ULK4: variants seen among roughly 807,000 people sequenced by gnomAD.
The protein encoded by ULK4 is unc-51 like kinase 4.
ULK4 carries 133 observed loss-of-function variants against 160.6 expected under a neutral mutation model. The observed-to-expected ratio is 0.83, with a 90% CI of 0.72 to 0.96. The LOEUF is 0.96. Ranked by LOEUF, ULK4 falls within the 40% of genes least tolerant of loss-of-function variation. ULK4 has a pLI of 0.00. For synonymous variants in ULK4, 534 were observed against 539.8 expected (o/e 0.99, Z 0.15); for missense variants, 1,580 against 1,499.5 (o/e 1.05, Z -0.89).
chr3:41,535,705 A>G (rs935852997), intron 32 of ULK4, among the ~76,000 whole-genome samples: 7 of 152,226 alleles, frequency 4.6e-5, no homozygotes, highest in African/African-American at 1.7e-4. Context: ...GCAAACGCAC[A>G]TAACATCTTT....
At chr3:41,711,940 A>G (rs2037110050) in intron 25 of ULK4, among the ~76,000 whole-genome samples, 1 of 152,218 alleles carries the variant, frequency 6.6e-6, no homozygotes, top group Admixed American at 6.5e-5. Context: ...GGAGCTGAGT[A>G]AGACAACAGG....
chr3:41,931,571 T>G (rs1237515802), intron 5 of ULK4, among the ~76,000 whole-genome samples: 1 of 151,538 alleles, frequency 6.6e-6, no homozygotes, highest in East Asian at 1.9e-4. Flanking sequence ...ACCATTCCCT[T>G]CCTATGTGCT....
intron 18 of ULK4, among the ~76,000 whole-genome samples, chr3:41,830,936 A>G (rs2125646551): frequency 6.6e-6 from 1 of 152,272 alleles, no homozygotes; most frequent in South Asian, 2.1e-4. Context: ...CTATCCCCAA[A>G]GAACTGCGAG....
At chr3:41,489,073 T>C (rs1355661002) in intron 32 of ULK4, among the ~76,000 whole-genome samples, 1 of 152,098 alleles carries the variant, frequency 6.6e-6, no homozygotes, top group African/African-American at 2.4e-5. Context: ...TCCACTTTCA[T>C]GTAAGTTTCC....
intron 35 of ULK4, among the ~76,000 whole-genome samples, chr3:41,363,629 G>A (rs1389162425): frequency 2.0e-5 from 3 of 152,142 alleles, no homozygotes; most frequent in East Asian, 1.9e-4. Context: ...AAACAGAAAT[G>A]GGCCTTTACT....
chr3:41,637,304 T>C (rs2033998460), intron 30 of ULK4, among the ~76,000 whole-genome samples: 2 of 152,218 alleles, frequency 1.3e-5, no homozygotes, highest in African/African-American at 4.8e-5. Flanking sequence ...TTTGTCTTTT[T>C]GTGCCTCATT....
chr3:41,392,819 A>G (rs895340687), intron 35 of ULK4, among the ~76,000 whole-genome samples: 3 of 152,084 alleles, frequency 2.0e-5, no homozygotes, highest in Admixed American at 6.6e-5. Flanking sequence ...CCTTAATCCA[A>G]TTACTGGCAC....
At chr3:41,858,315 C>T (rs1295365932) in intron 17 of ULK4, among the ~76,000 whole-genome samples, 1 of 151,518 alleles carries the variant, frequency 6.6e-6, no homozygotes, top group African/African-American at 2.4e-5. Context: ...CCATGCCTGG[C>T]TAATTTTTGT....
chr3:41,751,307 C>T (rs939880044), intron 22 of ULK4, among the ~76,000 whole-genome samples: 5 of 152,174 alleles, frequency 3.3e-5, no homozygotes, highest in African/African-American at 1.2e-4. Flanking sequence ...AATAAGACTG[C>T]AAGCCCAAAC....
intron 32 of ULK4, 65 bp from the exon 33 acceptor site, chr3:41,463,318 A>T: frequency 6.7e-7 from 1 of 1,500,092 alleles, no homozygotes; most frequent in Admixed American, 1.9e-5. Context: ...CATATGAACC[A>T]AAAAGAGAGG....
intron 21 of ULK4, among the ~76,000 whole-genome samples, chr3:41,776,374 T>C (rs374654825): frequency 1.3e-5 from 2 of 150,996 alleles, no homozygotes; most frequent in East Asian, 3.9e-4. Context: ...GACAGTTATG[T>C]AAATTTTCTT....
At chr3:41,402,854 A>G (rs2082210990) in intron 34 of ULK4, among the ~76,000 whole-genome samples, 1 of 152,166 alleles carries the variant, frequency 6.6e-6, no homozygotes, top group Non-Finnish European at 1.5e-5. Flanking sequence ...TCACCCTCAT[A>G]AAATGAGTTG....
At chr3:41,584,288 G>T (rs1389669133) in intron 31 of ULK4, among the ~76,000 whole-genome samples, 1 of 152,120 alleles carries the variant, frequency 6.6e-6, no homozygotes, top group East Asian at 1.9e-4. Flanking sequence ...ATTTAGTGAA[G>T]ATATAATAAC....
At chr3:41,918,855 T>C (rs892549795) in intron 6 of ULK4, among the ~76,000 whole-genome samples, 10 of 152,138 alleles carry the variant, frequency 6.6e-5, no homozygotes, top group East Asian at 1.9e-4. Context: ...CCCGCCTCGA[T>C]CTCCCAAAGT....
chr3:41,823,982 G>A (rs6768542), intron 18 of ULK4, among the ~76,000 whole-genome samples: 38,473 of 151,660 alleles, frequency 0.25, 6,012 homozygotes, highest in African/African-American at 0.45. Flanking sequence ...GGCCAATGTG[G>A]CGAAACACCA....
intron 25 of ULK4, among the ~76,000 whole-genome samples, chr3:41,708,260 A>G (rs1000558893): frequency 1.3e-5 from 2 of 152,176 alleles, no homozygotes; most frequent in Admixed American, 6.5e-5. Context: ...AGCTTTCTTC[A>G]CAATAGTCAA....
rs574157300 is a variant in ULK4, at chr3:41,296,351, A to G, written c.3679-46777T>C. ...AAAGGGCTCCTGGAAGGTACTGAAG[A>G]GAAGGGTTGGAAGTAGAAACCCTCT... is the stretch of plus-strand genomic sequence containing the variant. On this transcript the variant is annotated intron_variant, in intron 35 of 36. Coordinates refer to ENST00000301831, the MANE Select transcript of ULK4 (RefSeq NM_017886.4). Among the ~76,000 whole-genome samples, 3 of 152,336 alleles carry G rather than the reference A, an allele frequency of 2.0e-5. No individual in the cohort carries two copies. In the East Asian group the frequency reaches 5.8e-4, roughly 29 times the overall value.
chr3:41,884,090 A>G, intron 16 of ULK4, 138 bp from the exon 17 acceptor site: 1 of 673,644 alleles, frequency 1.5e-6, no homozygotes, highest in Non-Finnish European at 2.7e-6. Flanking sequence ...GGTCAGGCCC[A>G]CACTCCCACA....
chr3:41,566,980 G>A (rs530542771), intron 31 of ULK4, among the ~76,000 whole-genome samples: 1 of 152,194 alleles, frequency 6.6e-6, no homozygotes, highest in Non-Finnish European at 1.5e-5. Context: ...AGTACCCACT[G>A]ACAGTGAGGA....
Sources: allele counts gnomAD v4.1 joint callset (sites outside exome capture counted in the v4.1 genomes callset), GRCh38; gene constraint gnomAD v4.1.1; transcripts MANE v1.5; gene names NCBI Gene and HGNC (gene_info 2026-07-23, HGNC 2026-07-21).